Variants in EPHA3 observed in about 807,000 individuals in gnomAD.
EPHA3 encodes EPH receptor A3.
In EPHA3, 42 loss-of-function variants were observed where a neutral mutation model predicts 107.1. That is an observed-to-expected ratio of 0.39 (90% CI 0.31 to 0.51). The LOEUF is 0.51. Among genes scored for constraint, EPHA3 ranks in the 20% least tolerant of loss-of-function variants. EPHA3 has a pLI of 0.78. For synonymous variants in EPHA3, 461 were observed against 424.8 expected (o/e 1.09, Z -1.05); for missense variants, 1,183 against 1,211.2 (o/e 0.98, Z 0.35).
At chr3:89,129,670 TTGGA>T (rs1437182441) in intron 2 of EPHA3, among the ~76,000 whole-genome samples, 1 of 151,390 alleles carries the variant, frequency 6.6e-6, no homozygotes, top group Non-Finnish European at 1.5e-5. Flanking sequence ...AGTTTAGGTT[TTGGA>T]TTTAATAGCC....
At chr3:89,432,710 C>T (rs542038555) in intron 13 of EPHA3, among the ~76,000 whole-genome samples, 4 of 151,964 alleles carry the variant, frequency 2.6e-5, no homozygotes, top group East Asian at 1.9e-4. Flanking sequence ...TTTAGCCTTT[C>T]GATTTTTTTA....
intron 5 of EPHA3, among the ~76,000 whole-genome samples, chr3:89,361,801 G>A (rs540810431): frequency 1.6e-4 from 24 of 150,972 alleles, no homozygotes; most frequent in Non-Finnish European, 2.1e-4. Flanking sequence ...CAACAGTGTG[G>A]GGACCACATG....
chr3:89,390,856 T>C (rs1708714772), intron 5 of EPHA3, among the ~76,000 whole-genome samples: 1 of 149,220 alleles, frequency 6.7e-6, no homozygotes, highest in Non-Finnish European at 1.5e-5. Context: ...ATGCAATCTC[T>C]GCTCACTTGC....
intron 2 of EPHA3, among the ~76,000 whole-genome samples, chr3:89,189,198 C>A (rs181149216): frequency 6.6e-6 from 1 of 152,236 alleles, no homozygotes; most frequent in East Asian, 1.9e-4. Context: ...AGATGTATAC[C>A]TTAAACTATA....
At chr3:89,313,013 C>T (rs952127763) in intron 3 of EPHA3, among the ~76,000 whole-genome samples, 4 of 151,822 alleles carry the variant, frequency 2.6e-5, no homozygotes, top group African/African-American at 7.3e-5. Context: ...GATTCCGGGT[C>T]TTTGCTATTG....
chr3:89,247,488 AT>A (rs1411529187), intron 3 of EPHA3, among the ~76,000 whole-genome samples: 1 of 152,146 alleles, frequency 6.6e-6, no homozygotes, highest in Non-Finnish European at 1.5e-5. Context: ...CTTTAACTTT[AT>A]TTATGTGTTG....
intron 2 of EPHA3, among the ~76,000 whole-genome samples, chr3:89,181,952 C>T (rs1229442553): frequency 1.3e-5 from 2 of 151,536 alleles, no homozygotes; most frequent in Non-Finnish European, 2.9e-5. Context: ...TTCATGTAAA[C>T]GTCTTAGGCA....
intron 1 of EPHA3, among the ~76,000 whole-genome samples, chr3:89,109,496 C>G (rs1248492153): frequency 1.3e-5 from 2 of 151,694 alleles, no homozygotes; most frequent in Non-Finnish European, 2.9e-5. Context: ...TGGTTATGAA[C>G]TATGTAGATA....
intron 3 of EPHA3, among the ~76,000 whole-genome samples, chr3:89,305,205 C>T (rs1706585905): frequency 6.6e-6 from 1 of 152,064 alleles, no homozygotes; most frequent in South Asian, 2.1e-4. Context: ...CTATTAAAAT[C>T]ATCTTCCTAT....
At chr3:89,202,090 G>GAT (rs1458623661) in intron 2 of EPHA3, among the ~76,000 whole-genome samples, 1 of 151,920 alleles carries the variant, frequency 6.6e-6, no homozygotes, top group Non-Finnish European at 1.5e-5. Context: ...TCCTTCACAT[G>GAT]ATAATCTTTC....
chr3:89,171,871 T>C (rs1466407513), intron 2 of EPHA3, among the ~76,000 whole-genome samples: 2 of 152,304 alleles, frequency 1.3e-5, no homozygotes, highest in South Asian at 2.1e-4. Flanking sequence ...GATGTGCCTA[T>C]CGTTGATAAC....
intron 3 of EPHA3, among the ~76,000 whole-genome samples, chr3:89,303,954 G>C (rs1043745689): frequency 6.6e-6 from 1 of 152,116 alleles, no homozygotes; most frequent in Non-Finnish European, 1.5e-5. Flanking sequence ...CTCATTCTGT[G>C]TGGGTTTTGA....
chr3:89,269,058 T>G (rs1559625962), intron 3 of EPHA3, among the ~76,000 whole-genome samples: 1 of 152,160 alleles, frequency 6.6e-6, no homozygotes, highest in African/African-American at 2.4e-5. Context: ...TCTATTCTTT[T>G]AAACATCACA....
At chr3:89,224,328 G>A (rs1477963708) in intron 3 of EPHA3, among the ~76,000 whole-genome samples, 2 of 152,160 alleles carry the variant, frequency 1.3e-5, no homozygotes, top group Admixed American at 6.5e-5. Flanking sequence ...GGTTGCCAGG[G>A]CAAATGAGTT....
At chr3:89,200,666 TA>T (rs1372189391) in intron 2 of EPHA3, among the ~76,000 whole-genome samples, 2 of 152,204 alleles carry the variant, frequency 1.3e-5, no homozygotes, top group African/African-American at 4.8e-5. Flanking sequence ...GGGCCTTGAA[TA>T]AGGTAGTTTT....
At chr3:89,240,770 T>C (rs1210126810) in intron 3 of EPHA3, among the ~76,000 whole-genome samples, 1 of 151,996 alleles carries the variant, frequency 6.6e-6, no homozygotes, top group Non-Finnish European at 1.5e-5. Context: ...TTATGGACAA[T>C]TTGTTACCAA....
intron 3 of EPHA3, among the ~76,000 whole-genome samples, chr3:89,270,039 G>T (rs1030640947): frequency 1.3e-5 from 2 of 151,742 alleles, no homozygotes; most frequent in Non-Finnish European, 2.9e-5. Flanking sequence ...CTTCGATGGG[G>T]CTGCCAAAAG....
chr3:89,440,818 C>A (rs572488490), intron 13 of EPHA3, among the ~76,000 whole-genome samples: 11 of 152,128 alleles, frequency 7.2e-5, no homozygotes, highest in Non-Finnish European at 1.5e-4. Context: ...TCTCCTTTAC[C>A]TTTTCTGTAA....
intron 3 of EPHA3, among the ~76,000 whole-genome samples, chr3:89,264,238 G>T (rs2107286178): frequency 6.6e-6 from 1 of 152,266 alleles, no homozygotes; most frequent in East Asian, 1.9e-4. Flanking sequence ...TAAACACAAT[G>T]CTGGGATAAG....
Sources: allele counts gnomAD v4.1 joint callset (sites outside exome capture counted in the v4.1 genomes callset), GRCh38; gene constraint gnomAD v4.1.1; transcripts MANE v1.5; gene names NCBI Gene and HGNC (gene_info 2026-07-23, HGNC 2026-07-21).